NLRP4: variants seen among roughly 807,000 people sequenced by gnomAD.
NLRP4 encodes NLR family pyrin domain containing 4.
Under a neutral mutation model 84.7 loss-of-function variants are expected in NLRP4, and 44 were observed. The observed-to-expected ratio is 0.52, with a 90% CI of 0.41 to 0.67. The LOEUF is 0.67. Ranked by LOEUF, NLRP4 falls within the 30% of genes least tolerant of loss-of-function variation. The pLI, the probability that NLRP4 is intolerant of heterozygous loss-of-function variation, is 0.00. For synonymous variants in NLRP4, 544 were observed against 476.4 expected, an observed-to-expected ratio of 1.14 and a Z score of -1.85; for missense variants, 1,260 against 1,219.4, an observed-to-expected ratio of 1.03 and a Z score of -0.50.
At chr19:55,874,002 G>A (rs900699949) in intron 7 of NLRP4, among the ~76,000 whole-genome samples, 4 of 151,560 alleles carry the variant, frequency 2.6e-5, no homozygotes, top group Admixed American at 6.6e-5. Context: ...ACCCCCTAAA[G>A]GATGGAAGGA....
At position 55,870,938 on chromosome 19, in the gene NLRP4, A is replaced by G. The variant is rs770692767; in HGVS notation, c.2466A>G (p.Glu822=). The G allele has an allele frequency of 6.2e-7, 1 of 1,614,102 alleles. No individual in the cohort carries two copies. Among genetic ancestry groups the G allele is most frequent in the Non-Finnish European group, 8.5e-7 (1 of 1,179,948 alleles). The change falls in exon 7 of 10, where the codon GAA becomes GAG. Residue 822 remains glutamate (E), a synonymous_variant. Transcript: ENST00000301295. ...LDLSANVLKD[E]GLKTLCEALK... ...TCAGTGCCAATGTCCTGAAGGACGA[A>G]GGACTGAAAACTCTCTGCGAGGCCT... is the stretch of plus-strand genomic sequence containing the variant.
intron 9 of NLRP4, among the ~76,000 whole-genome samples, chr19:55,880,164 T>G (rs1375210288): frequency 3.0e-5 from 3 of 99,896 alleles, no homozygotes; most frequent in Admixed American, 2.5e-4. Context: ...CTAAAGAACA[T>G]TCACTGATTT....
At chr19:55,845,801 G>GT (rs985281440) in intron 1 of NLRP4, among the ~76,000 whole-genome samples, 85 of 148,112 alleles carry the variant, frequency 5.7e-4, no homozygotes, top group African/African-American at 2.0e-3. Flanking sequence ...TTTTTCATGT[G>GT]TTTTTTGGCT....
At chr19:55,840,854 CAG>C (rs1450701385) in intron 1 of NLRP4, among the ~76,000 whole-genome samples, 2 of 152,114 alleles carry the variant, frequency 1.3e-5, no homozygotes, top group Admixed American at 1.3e-4. Flanking sequence ...ATTATGACAA[CAG>C]ATTTTTTTAA....
intron 8 of NLRP4, among the ~76,000 whole-genome samples, chr19:55,877,830 C>A (rs150231147): frequency 3.9e-5 from 6 of 152,254 alleles, no homozygotes; most frequent in South Asian, 4.1e-4. Flanking sequence ...CCCCCAGTGT[C>A]CTCATTTTAG....
Position 55,858,083 on chromosome 19 carries a change from C to G in NLRP4, c.690C>G (p.Ile230Met), listed in dbSNP as rs762599997. 3.7e-6 allele frequency: 6 copies of G among 1,614,098 alleles called. No homozygotes were observed. Among genetic ancestry groups the G allele is most frequent in the Non-Finnish European group, 5.1e-6 (6 of 1,180,010 alleles). The change falls in exon 3 of 10, where the codon ATC becomes ATG. Residue 230 changes from isoleucine to methionine, a missense_variant. This residue lies in a region of NLRP4 where 712 missense variants were observed against 669.2 expected (regional missense o/e 1.06). Transcript: ENST00000301295. The surrounding 1 kb of genome is among the most constrained non-coding windows in gnomAD (Gnocchi z 4.2). Reference protein sequence around the residue: ...VSQPERLLFVIDSFEELQGGL... With the variant: ...VSQPERLLFVMDSFEELQGGL... ...AACCGGAGAGACTCTTGTTCGTCAT[C>G]GACAGCTTCGAAGAGCTGCAGGGCG...
rs768255629 is a variant in NLRP4 at position 55,876,954 on chromosome 19, G to C, written c.2526-42G>C. 5 of 1,531,044 alleles carry C rather than the reference G, an allele frequency of 3.3e-6. No homozygotes were observed. The African/African-American group carries it at 5.5e-5, about 17-fold the overall frequency. The allele number at this position is 1,531,044 out of a possible 1,614,324, so 94.8% of individuals were successfully genotyped here. On this transcript the variant is annotated intron_variant, in intron 7 of 9. Coordinates refer to ENST00000301295, the MANE Select transcript of NLRP4 (RefSeq NM_134444.5). ...GTCTCTTTTCCTGATATTAGACTGA[G>C]GTGTAATAGCCTTTAAGCATGGTAC...
At chr19:55,849,831 A>AAGCTGCGGTGTAAATTCCGT (rs1983950450) in intron 1 of NLRP4, among the ~76,000 whole-genome samples, 1 of 114,628 alleles carries the variant, frequency 8.7e-6, no homozygotes, top group Admixed American at 8.0e-5. Context: ...GTAATTTCCG[A>AAGCTGCGGTGTAAATTCCGT]AGCTGCGGTG....
chr19:55,856,728 A>G (rs11882339), intron 2 of NLRP4, among the ~76,000 whole-genome samples: 5 of 151,850 alleles, frequency 3.3e-5, no homozygotes, highest in South Asian at 2.1e-4. Flanking sequence ...GTTGGCCAGG[A>G]TGGTCTTGAT....
chr19:55,849,944 A>G (rs868461689), intron 1 of NLRP4, among the ~76,000 whole-genome samples: 16 of 118,916 alleles, frequency 1.3e-4, no homozygotes, highest in African/African-American at 4.7e-4. Flanking sequence ...GCCGCGGTGT[A>G]ATTTCCGAGA....
chr19:55,865,332 G>A lies in NLRP4; in HGVS notation c.2187-2377G>A, dbSNP rs140345934. On this transcript the variant is annotated intron_variant, in intron 5 of 9. Transcript: ENST00000301295. ...AGGACATCATCTTACTCTTTTTTATGGCTGCATAGTATTCCATGGTGTATA... is the reference window on the plus strand; with the variant it reads ...AGGACATCATCTTACTCTTTTTTATAGCTGCATAGTATTCCATGGTGTATA... Among the ~76,000 whole-genome samples, 24 of 152,270 alleles carry A rather than the reference G, an allele frequency of 1.6e-4. No individual in the cohort carries two copies. In the East Asian group the frequency reaches 4.6e-3, roughly 29 times the overall value.
chr19:55,848,942 CTT>C (rs1486483025), intron 1 of NLRP4, among the ~76,000 whole-genome samples: 6 of 152,152 alleles, frequency 3.9e-5, no homozygotes, highest in Admixed American at 6.5e-5. Context: ...TTGGTCCTCT[CTT>C]GTCTGCCGCC....
chr19:55,859,605 C>T (rs1357726242), intron 3 of NLRP4, among the ~76,000 whole-genome samples: 2 of 152,114 alleles, frequency 1.3e-5, no homozygotes, highest in Non-Finnish European at 2.9e-5. Flanking sequence ...GACCTCTCAG[C>T]TGCAAGTTAC....
Position 55,843,936 on chromosome 19 carries a change from CTCT to C in NLRP4, c.-66+7007_-66+7009del, listed in dbSNP as rs1389148898. Among the ~76,000 whole-genome samples the C allele has an allele frequency of 1.1e-4, 16 of 152,188 alleles. No individual in the cohort carries two copies. In the East Asian group the frequency reaches 2.7e-3, roughly 26 times the overall value. The stretch of plus-strand genomic sequence containing the variant: ...CTGTGCTTTTCATCTTTTTATCTCT[CTCT>C]TCTTGGATGACTTCTCTTTACGTGT... On this transcript the variant is annotated intron_variant, in intron 1 of 9. Coordinates refer to ENST00000301295, the MANE Select transcript of NLRP4 (RefSeq NM_134444.5).
At chr19:55,876,375 C>T (rs1391120043) in intron 7 of NLRP4, among the ~76,000 whole-genome samples, 2 of 152,090 alleles carry the variant, frequency 1.3e-5, no homozygotes, top group Non-Finnish European at 2.9e-5. Flanking sequence ...TTGAGACAGT[C>T]TCTCACTTTG....
At chr19:55,861,947 C>G (rs1984774030) in intron 4 of NLRP4, 45 bp from the exon 5 acceptor site, 1 of 1,330,104 alleles carries the variant, frequency 7.5e-7, no homozygotes, top group Non-Finnish European at 1.1e-6. Flanking sequence ...GCAGGCTGTG[C>G]TCCCATTAGA....
chr19:55,857,005 C>A (rs1160615293), intron 2 of NLRP4, among the ~76,000 whole-genome samples: 1 of 152,112 alleles, frequency 6.6e-6, no homozygotes, highest in Non-Finnish European at 1.5e-5. Flanking sequence ...ATATGTGAAA[C>A]CTATATGTGT....
At chr19:55,876,262 G>C (rs757854051) in intron 7 of NLRP4, among the ~76,000 whole-genome samples, 3 of 152,172 alleles carry the variant, frequency 2.0e-5, no homozygotes, top group Non-Finnish European at 2.9e-5. Flanking sequence ...AGACAATTCA[G>C]TTGTCCCTCC....
In NLRP4 at chr19:55,840,508, C is replaced by T. The variant is rs188945531; in HGVS notation, c.-66+3574C>T. Among the ~76,000 whole-genome samples, 520 of 152,176 alleles carry T rather than the reference C, an allele frequency of 3.4e-3. 2 individuals carry two copies. Among genetic ancestry groups the T allele is most frequent in the Non-Finnish European group, 5.6e-3 (384 of 68,014 alleles). On this transcript the variant is annotated intron_variant, in intron 1 of 9. Transcript: ENST00000301295. The stretch of plus-strand genomic sequence containing the variant: ...AAGCAATTCTCCTGCCTCAGCCTCC[C>T]GAGTAGCTGGGATTACAGGTGCCTG...
Sources: gnomAD v4.1 joint callset for allele counts (sites outside exome capture counted in the v4.1 genomes callset) on GRCh38, gnomAD v4.1.1 for gene constraint, gnomAD v4.1.1 regional missense constraint, Gnocchi (gnomAD v3.1) non-coding constraint, MANE v1.5 for transcripts, NCBI Gene and HGNC (gene_info 2026-07-23, HGNC 2026-07-21) for gene names.